HCN1: variants seen among roughly 807,000 people sequenced by gnomAD.
The protein encoded by HCN1 is potassium/sodium hyperpolarization-activated cyclic nucleotide-gated channel 1.
Under a neutral mutation model 78.9 loss-of-function variants are expected in HCN1, and 13 were observed. That is an observed-to-expected ratio of 0.16 (90% CI 0.11 to 0.26). HCN1 has a LOEUF of 0.26. Ranked by LOEUF, HCN1 falls within the 10% of genes least tolerant of loss-of-function variation. The pLI, the probability that HCN1 is intolerant of heterozygous loss-of-function variation, is 1.00. For missense variants in HCN1, 810 were observed against 1,154.3 expected (o/e 0.70, Z 4.32); for synonymous variants, 552 against 455.5 (o/e 1.21, Z -2.70).
At chr5:45,530,870 A>G (rs866142387) in intron 2 of HCN1, among the ~76,000 whole-genome samples, 2 of 152,134 alleles carry the variant, frequency 1.3e-5, no homozygotes, top group Middle Eastern at 3.2e-3. Context: ...CACACAGCTA[A>G]TAACAAGTCA....
chr5:45,348,888 C>A (rs1214951980), intron 5 of HCN1, among the ~76,000 whole-genome samples: 5 of 152,236 alleles, frequency 3.3e-5, no homozygotes, highest in South Asian at 4.2e-4. Context: ...TCTGAGTGAC[C>A]TACAAAGAGA....
chr5:45,262,881 C>A (rs1385148325), intron 7 of HCN1, 71 bp from the exon 8 acceptor site: 2 of 1,520,374 alleles, frequency 1.3e-6, no homozygotes, highest in South Asian at 1.1e-5. Flanking sequence ...GTGAGAGTGG[C>A]TCCTGCAAAC....
chr5:45,272,217 A>C (rs756398312), intron 6 of HCN1, among the ~76,000 whole-genome samples: 1 of 152,072 alleles, frequency 6.6e-6, no homozygotes, highest in Non-Finnish European at 1.5e-5. Context: ...GTTAGGTGTT[A>C]CAGAGTTTTG....
chr5:45,403,526 C>A (rs1226450317), intron 3 of HCN1, among the ~76,000 whole-genome samples: 4 of 152,044 alleles, frequency 2.6e-5, no homozygotes, highest in Non-Finnish European at 5.9e-5. Flanking sequence ...GGAAAAAGGT[C>A]CCTTATAAAA....
At chr5:45,579,355 A>G (rs533870594) in intron 2 of HCN1, among the ~76,000 whole-genome samples, 1 of 152,114 alleles carries the variant, frequency 6.6e-6, no homozygotes, top group Admixed American at 6.6e-5. Context: ...CCAGATTGTA[A>G]ACTGCCTCAT....
At chr5:45,652,204 A>AT (rs893055322) in intron 1 of HCN1, among the ~76,000 whole-genome samples, 11 of 151,752 alleles carry the variant, frequency 7.2e-5, no homozygotes, top group African/African-American at 2.2e-4. Flanking sequence ...CTGAAACTGT[A>AT]TTTTTTTATT....
At chr5:45,404,693 C>CAAAAAAAAAAAA (rs60728403) in intron 3 of HCN1, among the ~76,000 whole-genome samples, 9 of 56,230 alleles carry the variant, frequency 1.6e-4, no homozygotes, top group Non-Finnish European at 3.1e-4. Context: ...GGGCTATTTG[C>CAAAAAAAAAAAA]AAAAAAAAAA....
intron 1 of HCN1, among the ~76,000 whole-genome samples, chr5:45,675,157 A>T (rs530711473): frequency 2.0e-5 from 3 of 151,836 alleles, no homozygotes; most frequent in African/African-American, 7.2e-5. Context: ...ATACTGTCAC[A>T]TACCTACAGA....
chr5:45,524,827 T>G (rs2111788657), intron 2 of HCN1, among the ~76,000 whole-genome samples: 1 of 152,270 alleles, frequency 6.6e-6, no homozygotes, highest in Non-Finnish European at 1.5e-5. Context: ...ACTTCCTCTT[T>G]TCCTAATTGA....
intron 4 of HCN1, among the ~76,000 whole-genome samples, chr5:45,367,907 C>G (rs538351584): frequency 6.6e-6 from 1 of 151,878 alleles, no homozygotes; most frequent in African/African-American, 2.4e-5. Context: ...GAGGGTGAGT[C>G]AAGATAAATG....
chr5:45,573,633 T>C lies in HCN1; in HGVS notation c.849+71552A>G, dbSNP rs577588545. 2.0e-5 allele frequency among the ~76,000 whole-genome samples: 3 copies of C among 152,084 alleles called. No homozygotes were observed. The South Asian group carries it at 6.2e-4, about 32-fold the overall frequency. On this transcript the variant is annotated intron_variant, in intron 2 of 7. Transcript: ENST00000303230. ...TACCATGAATAATGTCTTCCAGAAATAGACTTGAAAATTGCTCCCCTAATG... is the reference window on the plus strand; with the variant it reads ...TACCATGAATAATGTCTTCCAGAAACAGACTTGAAAATTGCTCCCCTAATG...
intron 5 of HCN1, among the ~76,000 whole-genome samples, chr5:45,338,560 T>G (rs1746511004): frequency 6.6e-6 from 1 of 152,144 alleles, no homozygotes; most frequent in African/African-American, 2.4e-5. Flanking sequence ...GTTCACTCAT[T>G]TAGCATTTAT....
At chr5:45,420,611 T>C (rs1246740346) in intron 3 of HCN1, among the ~76,000 whole-genome samples, 1 of 152,152 alleles carries the variant, frequency 6.6e-6, no homozygotes, top group Non-Finnish European at 1.5e-5. Context: ...TTCAACTTAT[T>C]TCCTGAGAGA....
At chr5:45,315,955 A>T (rs1341714568) in intron 5 of HCN1, among the ~76,000 whole-genome samples, 1 of 152,214 alleles carries the variant, frequency 6.6e-6, no homozygotes, top group East Asian at 1.9e-4. Flanking sequence ...ACAGGACCAG[A>T]TGGATTCCAC....
chr5:45,328,692 G>T (rs1328603077), intron 5 of HCN1, among the ~76,000 whole-genome samples: 1 of 151,590 alleles, frequency 6.6e-6, no homozygotes, highest in Non-Finnish European at 1.5e-5. Flanking sequence ...CTTATGAGTT[G>T]TGTATTTCTG....
intron 6 of HCN1, among the ~76,000 whole-genome samples, chr5:45,277,583 A>T (rs1257177319): frequency 6.6e-6 from 1 of 152,124 alleles, no homozygotes; most frequent in Non-Finnish European, 1.5e-5. Context: ...AATTTCATGA[A>T]ACTCTTTCTC....
At chr5:45,551,267 C>G (rs182534132) in intron 2 of HCN1, among the ~76,000 whole-genome samples, 1 of 151,860 alleles carries the variant, frequency 6.6e-6, no homozygotes, top group Admixed American at 6.6e-5. Context: ...AGACAGCAAA[C>G]TAATGACGAA....
intron 5 of HCN1, among the ~76,000 whole-genome samples, chr5:45,321,142 T>G (rs1746118189): frequency 6.6e-6 from 1 of 151,778 alleles, no homozygotes; most frequent in African/African-American, 2.4e-5. Context: ...ATTTGTTTCC[T>G]CAACGGTATC....
chr5:45,330,986 T>G (rs1231317487), intron 5 of HCN1, among the ~76,000 whole-genome samples: 1 of 151,268 alleles, frequency 6.6e-6, no homozygotes, highest in Non-Finnish European at 1.5e-5. Flanking sequence ...AACCACTTTT[T>G]GTTTTCCTTG....
Sources: allele counts gnomAD v4.1 joint callset (sites outside exome capture counted in the v4.1 genomes callset), GRCh38; gene constraint gnomAD v4.1.1; transcripts MANE v1.5; gene names NCBI Gene and HGNC (gene_info 2026-07-23, HGNC 2026-07-21).